SLC20A2: variants seen among roughly 807,000 people sequenced by gnomAD.
SLC20A2 encodes solute carrier family 20 member 2.
In SLC20A2, 30 loss-of-function variants were observed where a neutral mutation model predicts 61.0. That is an observed-to-expected ratio of 0.49 (90% CI 0.37 to 0.67). The LOEUF (loss-of-function observed/expected upper bound fraction) is 0.67. Ranked by LOEUF, SLC20A2 falls within the 30% of genes least tolerant of loss-of-function variation. SLC20A2 has a pLI of 0.00. For missense variants in SLC20A2, 626 were observed against 866.4 expected, an observed-to-expected ratio of 0.72 and a Z score of 3.48; for synonymous variants, 351 against 353.3, an observed-to-expected ratio of 0.99 and a Z score of 0.07.
In SLC20A2 at chr8:42,522,762, T is replaced by G. The variant is rs889584942; in HGVS notation, c.-265+19059A>C. On this transcript the variant is annotated intron_variant, in intron 1 of 10. Coordinates refer to the SLC20A2 transcript ENST00000342228. The stretch of plus-strand genomic sequence containing the variant: ...TTCTGTCACCCAGGTTGGAGTGTGG[T>G]GGTGCGAGCATGGCTCACTACACCC... Among the ~76,000 whole-genome samples, 169 of 150,092 alleles carry G rather than the reference T, an allele frequency of 1.1e-3. 22 individuals carry two copies. The highest frequency in any genetic ancestry group is 3.5e-3 in the African/African-American group (145 of 41,266).
At chr8:42,441,753 C>T (rs1804801930) in intron 6 of SLC20A2, among the ~76,000 whole-genome samples, 1 of 151,876 alleles carries the variant, frequency 6.6e-6, no homozygotes, top group African/African-American at 2.4e-5. Flanking sequence ...AGTCGTGTGC[C>T]ACTGCGCCTG....
intron 1 of SLC20A2, among the ~76,000 whole-genome samples, chr8:42,527,280 T>A (rs1812028960): frequency 6.6e-6 from 1 of 151,418 alleles, no homozygotes; most frequent in South Asian, 2.1e-4. Flanking sequence ...GGGGTATGCC[T>A]GTAATCTCAG....
intron 1 of SLC20A2, among the ~76,000 whole-genome samples, chr8:42,540,646 G>C (rs1813046767): frequency 6.6e-6 from 1 of 152,208 alleles, no homozygotes; most frequent in Non-Finnish European, 1.5e-5. Context: ...TTGTTAAGAA[G>C]TGTTCAATGT....
At chr8:42,441,215 C>T (rs377375821) in intron 6 of SLC20A2, among the ~76,000 whole-genome samples, 316 of 149,228 alleles carry the variant, frequency 2.1e-3, no homozygotes, top group African/African-American at 7.6e-3. Flanking sequence ...AGTGCACTAG[C>T]GTGATCTCCG....
intron 10 of SLC20A2, among the ~76,000 whole-genome samples, chr8:42,425,662 T>G (rs1303706765): frequency 6.6e-6 from 1 of 152,190 alleles, no homozygotes; most frequent in African/African-American, 2.4e-5. Flanking sequence ...GTCAATTTTA[T>G]AGATGGCACC....
At chr8:42,486,140 CTGTGTGTGTGTGTG>C (rs59925363) in intron 1 of SLC20A2, among the ~76,000 whole-genome samples, 4 of 149,028 alleles carry the variant, frequency 2.7e-5, no homozygotes, top group African/African-American at 4.9e-5. Flanking sequence ...AGCTCTCTCA[CTGTGTGTGTGTGTG>C]TGTGTGTGTG....
At position 42,444,643 on chromosome 8, in the gene SLC20A2, T is replaced by C; in HGVS notation, c.730+3A>G. On this transcript the variant is annotated splice_donor_region_variant and intron_variant, in intron 6 of 10. Transcript: ENST00000520262. ...TAAATCAGAAGAATTAAAAGGCCCA[T>C]ACCTGTTATTTTCCTCCGCATCCAC... 1.2e-6 allele frequency: 2 copies of C among 1,607,176 alleles called. No individual in the cohort carries two copies. The highest frequency in any genetic ancestry group is 8.5e-7 in the Non-Finnish European group (1 of 1,173,990).
At chr8:42,465,747 T>A in intron 3 of SLC20A2, 30 bp downstream of exon 3, 1 of 1,553,382 alleles carries the variant, frequency 6.4e-7, no homozygotes, top group African/African-American at 1.4e-5. Flanking sequence ...TAAACTTTCC[T>A]TCTTATGGGT....
At chr8:42,466,050 G>A (rs988365786) in intron 2 of SLC20A2, 133 bp from the exon 3 acceptor site, 33 of 801,372 alleles carry the variant, frequency 4.1e-5, no homozygotes, top group Non-Finnish European at 5.6e-5. Flanking sequence ...TTTACAAAGC[G>A]CTACAGCCTG....
chr8:42,443,587 C>T (rs987701504), intron 6 of SLC20A2, among the ~76,000 whole-genome samples: 2 of 151,934 alleles, frequency 1.3e-5, no homozygotes, highest in Non-Finnish European at 2.9e-5. Flanking sequence ...GCCTCGGCCT[C>T]CCAAAGTGCT....
At chr8:42,526,160 A>G (rs1811920802) in intron 1 of SLC20A2, among the ~76,000 whole-genome samples, 1 of 152,198 alleles carries the variant, frequency 6.6e-6, no homozygotes, top group East Asian at 1.9e-4. Context: ...ACTAAGGTCA[A>G]CATCAACACT....
chr8:42,538,204 AC>A (rs1812829312), intron 1 of SLC20A2: 1 of 149,334 alleles, frequency 6.7e-6, no homozygotes, highest in Non-Finnish European at 1.5e-5. Context: ...GTAAATATAA[AC>A]CTACTCTGTA....
At chr8:42,508,565 A>G (rs1231303538) in intron 1 of SLC20A2, among the ~76,000 whole-genome samples, 2 of 151,596 alleles carry the variant, frequency 1.3e-5, no homozygotes, top group Non-Finnish European at 2.9e-5. Context: ...TAATTTTTGT[A>G]TTTTTAGTAG....
chr8:42,466,150 T>C (rs1278906507), intron 2 of SLC20A2, among the ~76,000 whole-genome samples: 1 of 152,200 alleles, frequency 6.6e-6, no homozygotes, highest in Non-Finnish European at 1.5e-5. Flanking sequence ...TTTATTTATT[T>C]TTTGAAGCTA....
chr8:42,464,389 T>C (rs1806990567), intron 3 of SLC20A2, among the ~76,000 whole-genome samples: 1 of 151,420 alleles, frequency 6.6e-6, no homozygotes, highest in South Asian at 2.1e-4. Context: ...CCCAAAGTGA[T>C]GGAATTACAG....
intron 1 of SLC20A2, among the ~76,000 whole-genome samples, chr8:42,478,212 C>CTTTTT (rs35343530): frequency 1.6e-5 from 2 of 127,532 alleles, no homozygotes; most frequent in Non-Finnish European, 1.6e-5. Flanking sequence ...TTTTCCTTTT[C>CTTTTT]TTTTTTTTTT....
upstream of SLC20A2, among the ~76,000 whole-genome samples, chr8:42,503,473 G>T (rs1047803580): frequency 6.6e-6 from 1 of 152,050 alleles, no homozygotes; most frequent in Non-Finnish European, 1.5e-5. Flanking sequence ...AACCTTCTAT[G>T]AGCAGTTACA....
chr8:42,473,146 A>T (rs557250391), intron 1 of SLC20A2, among the ~76,000 whole-genome samples: 2 of 152,328 alleles, frequency 1.3e-5, no homozygotes, highest in African/African-American at 4.8e-5. Context: ...ACAGTATATT[A>T]TCATGCATGT....
upstream of SLC20A2, among the ~76,000 whole-genome samples, chr8:42,504,871 A>AAAAAAAC (rs1810557164): frequency 6.9e-6 from 1 of 144,366 alleles, no homozygotes; most frequent in Non-Finnish European, 1.5e-5. Flanking sequence ...AAAAAAAAAA[A>AAAAAAAC]AAAAAAAAAA....
Sources: gnomAD v4.1 joint callset for allele counts (sites outside exome capture counted in the v4.1 genomes callset) on GRCh38, gnomAD v4.1.1 for gene constraint, MANE v1.5 for transcripts, NCBI Gene and HGNC (gene_info 2026-07-23, HGNC 2026-07-21) for gene names.